The following CR1 variants were observed in gnomAD, a reference collection of about 807,000 sequenced individuals.
CR1 encodes the protein complement receptor type 1.
In CR1, 116 loss-of-function variants were observed where a neutral mutation model predicts 187.3. That is an observed-to-expected ratio of 0.62 (90% CI 0.53 to 0.72). CR1 has a LOEUF of 0.72. Among genes scored for constraint, CR1 ranks in the 30% least tolerant of loss-of-function variants. CR1 has a pLI of 0.00. For missense variants in CR1, 1,731 were observed against 2,110.7 expected (o/e 0.82, Z 3.52); for synonymous variants, 576 against 747.1 (o/e 0.77, Z 3.73).
At chr1:207,503,479 G>A (rs1688028925) in intron 1 of CR1, among the ~76,000 whole-genome samples, 1 of 152,150 alleles carries the variant, frequency 6.6e-6, no homozygotes, top group Non-Finnish European at 1.5e-5. Flanking sequence ...CAGGGGAGCA[G>A]GGGTTTTCTT....
chr1:207,519,777 G>T (rs1659918617), intron 4 of CR1, among the ~76,000 whole-genome samples: 2 of 152,148 alleles, frequency 1.3e-5, no homozygotes, highest in Admixed American at 6.5e-5. Context: ...GACAGAAAAA[G>T]GAAACTGACG....
At chr1:207,508,059 A>G (rs987303190) in intron 3 of CR1, among the ~76,000 whole-genome samples, 1 of 152,226 alleles carries the variant, frequency 6.6e-6, no homozygotes, top group African/African-American at 2.4e-5. Context: ...GCTACATAAC[A>G]TATGATTCCA....
rs1660825785 is a variant in CR1, at chr1:207,578,200, A to G, written c.4933A>G (p.Arg1645Gly). The stretch of plus-strand genomic sequence containing the variant: ...GGAGCCAGAGTTACCAAGCTGCTCC[A>G]GGGGTGAGTCTGACTGATGCCTAGA... ...KWEPELPSCSRVCQPPPEILH... is the reference protein window; with the variant it reads ...KWEPELPSCSGVCQPPPEILH... Residue 1645 changes from arginine to glycine, a missense_variant, in exon 29 of 47, where the codon AGG becomes GGG. Arg to Gly is a moderately radical substitution (Grantham distance 125). Transcript: ENST00000367049. The G allele has an allele frequency of 1.9e-6, 3 of 1,611,864 alleles. No homozygotes were observed. Among genetic ancestry groups the G allele is most frequent in the Non-Finnish European group, 2.5e-6 (3 of 1,179,718 alleles).
chr1:207,505,321 G>A (rs1462415232), intron 1 of CR1, among the ~76,000 whole-genome samples: 1 of 151,862 alleles, frequency 6.6e-6, no homozygotes, highest in African/African-American at 2.4e-5. Flanking sequence ...GTGCAATCAT[G>A]CTCTGCTAAC....
chr1:207,511,911 C>T (rs1199946130), intron 4 of CR1, among the ~76,000 whole-genome samples: 5 of 152,120 alleles, frequency 3.3e-5, no homozygotes, highest in African/African-American at 1.2e-4. Flanking sequence ...CTTCAATAAA[C>T]GTGAAATTAT....
chr1:207,505,942 C>T lies in CR1; in HGVS notation c.160C>T (p.Pro54Ser). The T allele has an allele frequency of 6.2e-7, 1 of 1,613,928 alleles. No homozygotes were observed. The highest frequency in any genetic ancestry group is 8.5e-7 in the Non-Finnish European group (1 of 1,179,842). Residue 54 changes from proline to serine, a missense_variant, in exon 2 of 47, where the codon CCT becomes TCT. Transcript: ENST00000367049. ...NAPEWLPFAR[P>S]TNLTDEFEFP... ...CCCAGAATGGCTTCCATTTGCCAGG[C>T]CTACCAACCTAACTGATGAATTTGA...
At chr1:207,510,717 AT>A (rs1300593840) in intron 3 of CR1, among the ~76,000 whole-genome samples, 1 of 109,484 alleles carries the variant, frequency 9.1e-6, no homozygotes, top group Admixed American at 9.1e-5. Context: ...GGTTCTAGTT[AT>A]GTATCCCCTT....
chr1:207,566,885 T>G (rs898627241), intron 24 of CR1, among the ~76,000 whole-genome samples: 11 of 150,356 alleles, frequency 7.3e-5, no homozygotes, highest in African/African-American at 2.5e-4. Flanking sequence ...GAAATATACT[T>G]GGACATCTTA....
chr1:207,619,993 C>G lies in CR1; in HGVS notation c.7180C>G (p.Leu2394Val). Reference protein sequence around the residue: ...VTLKCEDGYTLEGSPWSQCQA... With the variant: ...VTLKCEDGYTVEGSPWSQCQA... ...TTTGAAGTGTGAAGATGGGTATACT[C>G]TGGAAGGCAGTCCCTGGAGCCAGTG... Residue 2394 changes from leucine to valine, a missense_variant, in exon 43 of 47, where the codon CTG becomes GTG. Around this residue, in one of 5 missense-constraint regions of CR1, gnomAD observed 1,312 missense variants for 1,379.6 expected, o/e 0.95. Coordinates refer to ENST00000367049, the MANE Select transcript of CR1 (RefSeq NM_000651.6). The G allele has an allele frequency of 6.2e-7, 1 of 1,613,850 alleles. No individual in the cohort carries two copies. Among genetic ancestry groups the G allele is most frequent in the Non-Finnish European group, 8.5e-7 (1 of 1,179,860 alleles).
chr1:207,573,472 C>T (rs1413624953), intron 27 of CR1, among the ~76,000 whole-genome samples: 3 of 151,948 alleles, frequency 2.0e-5, no homozygotes, highest in African/African-American at 7.2e-5. Flanking sequence ...AGTGAGGAAC[C>T]TCTCTATGGC....
At chr1:207,575,215 A>G (rs1442270173) in intron 27 of CR1, among the ~76,000 whole-genome samples, 1 of 151,948 alleles carries the variant, frequency 6.6e-6, no homozygotes, top group African/African-American at 2.4e-5. Context: ...ACACACACAC[A>G]CACACACACA....
intron 1 of CR1, among the ~76,000 whole-genome samples, chr1:207,500,788 A>G (rs1659241798): frequency 6.6e-6 from 1 of 152,258 alleles, no homozygotes; most frequent in African/African-American, 2.4e-5. Context: ...AAATGAAATC[A>G]TATGTCCACA....
At chr1:207,496,841 G>A (rs188591857) in intron 1 of CR1, among the ~76,000 whole-genome samples, 151 of 152,294 alleles carry the variant, frequency 9.9e-4, no homozygotes, top group African/African-American at 3.6e-3. Context: ...GTAAAATGGG[G>A]ACACTGGTAT....
chr1:207,605,257 CAA>C (rs200443731), intron 35 of CR1, among the ~76,000 whole-genome samples: 2 of 81,366 alleles, frequency 2.5e-5, no homozygotes, highest in Non-Finnish European at 2.4e-5. Context: ...CAGACCCTGT[CAA>C]AAAAAAAAAA....
chr1:207,564,762 T>C (rs1450318313), intron 23 of CR1, among the ~76,000 whole-genome samples: 6 of 150,010 alleles, frequency 4.0e-5, no homozygotes, highest in Non-Finnish European at 2.9e-5. Flanking sequence ...GATGGCACCA[T>C]TGCACTCCAG....
intron 35 of CR1, among the ~76,000 whole-genome samples, chr1:207,601,308 C>A (rs1238090534): frequency 6.6e-6 from 1 of 152,052 alleles, no homozygotes; most frequent in Non-Finnish European, 1.5e-5. Flanking sequence ...AAAATTAAAA[C>A]TATCCATGAA....
chr1:207,627,542 T>C (rs1662519678), intron 45 of CR1, among the ~76,000 whole-genome samples: 1 of 152,256 alleles, frequency 6.6e-6, no homozygotes, highest in Non-Finnish European at 1.5e-5. Flanking sequence ...CTTGTTCTAA[T>C]ATACCAACTG....
chr1:207,519,901 T>C (rs921454449), intron 4 of CR1, among the ~76,000 whole-genome samples: 5 of 151,988 alleles, frequency 3.3e-5, no homozygotes, highest in African/African-American at 1.2e-4. Flanking sequence ...AACTCGGTGA[T>C]TGGCGTAAGA....
intron 39 of CR1, among the ~76,000 whole-genome samples, chr1:207,614,151 C>T (rs1662024553): frequency 6.6e-6 from 1 of 152,136 alleles, no homozygotes; most frequent in African/African-American, 2.4e-5. Context: ...GGCAATTATG[C>T]ACATCAGCTC....
Sources: gnomAD v4.1 joint callset for allele counts (sites outside exome capture counted in the v4.1 genomes callset) on GRCh38, gnomAD v4.1.1 for gene constraint, gnomAD v4.1.1 regional missense constraint, MANE v1.5 for transcripts, NCBI Gene and HGNC (gene_info 2026-07-23, HGNC 2026-07-21) for gene names.